The following GALNT13 variants were observed in gnomAD, a reference collection of about 807,000 sequenced individuals.
GALNT13 encodes polypeptide N-acetylgalactosaminyltransferase 13, also known as UDP-GalNAc:polypeptide N-acetylgalactosaminyltransferase 13.
Under a neutral mutation model 64.2 loss-of-function variants are expected in GALNT13, and 28 were observed. That is an observed-to-expected ratio of 0.44 (90% CI 0.32 to 0.60). The LOEUF is 0.60. GALNT13 is among the 20% of genes least tolerant of loss of function. GALNT13 has a pLI of 0.05. For synonymous variants in GALNT13, 214 were observed against 224.6 expected (o/e 0.95, Z 0.42); for missense variants, 577 against 669.8 (o/e 0.86, Z 1.53).
At chr2:154,224,182 G>A (rs1161648667) in intron 4 of GALNT13, among the ~76,000 whole-genome samples, 1 of 152,022 alleles carries the variant, frequency 6.6e-6, no homozygotes, top group East Asian at 1.9e-4. Context: ...TGATTCATAG[G>A]ACAGAAAATT....
At chr2:153,178,889 C>A in the GALNT13 span, among the ~76,000 whole-genome samples, 1 of 151,698 alleles carries the variant, frequency 6.6e-6, no homozygotes, top group African/African-American at 2.4e-5. Context: ...CGTGCACAAC[C>A]ACAACTATCT....
the GALNT13 span, among the ~76,000 whole-genome samples, chr2:153,720,371 C>G: frequency 1.3e-5 from 2 of 150,628 alleles, no homozygotes; most frequent in Admixed American, 1.3e-4. Flanking sequence ...AAAAACAGAG[C>G]AGAAAAACTG....
At chr2:153,819,093 C>A in the GALNT13 span, among the ~76,000 whole-genome samples, 1 of 152,142 alleles carries the variant, frequency 6.6e-6, no homozygotes, top group Non-Finnish European at 1.5e-5. Context: ...GATCATTTCT[C>A]CCAGGGCCTG....
At chr2:153,478,514 T>C in the GALNT13 span, 1 of 1,608,730 alleles carries the variant, frequency 6.2e-7, no homozygotes, top group Non-Finnish European at 8.5e-7. Context: ...TCGCTGCTGT[T>C]GGCCAGGAAC....
chr2:153,621,073 GAC>G, the GALNT13 span, among the ~76,000 whole-genome samples: 1 of 152,068 alleles, frequency 6.6e-6, no homozygotes, highest in Admixed American at 6.6e-5. Flanking sequence ...ACCAGACAGA[GAC>G]TCTTGTACTC....
chr2:153,537,278 G>C, the GALNT13 span, among the ~76,000 whole-genome samples: 1 of 152,128 alleles, frequency 6.6e-6, no homozygotes. Flanking sequence ...ATTTAAAACA[G>C]GTTACAGTTG....
chr2:153,223,337 T>C, the GALNT13 span, among the ~76,000 whole-genome samples: 2 of 152,204 alleles, frequency 1.3e-5, no homozygotes, highest in African/African-American at 4.8e-5. Context: ...ATCTAATTAA[T>C]AGTATCGAAT....
chr2:153,479,499 GTTC>G, the GALNT13 span, among the ~76,000 whole-genome samples: 1 of 152,178 alleles, frequency 6.6e-6, no homozygotes, highest in South Asian at 2.1e-4. Flanking sequence ...GGAAGGAGGA[GTTC>G]TTCTGTGGCC....
At chr2:153,644,409 C>T in the GALNT13 span, among the ~76,000 whole-genome samples, 10 of 152,010 alleles carry the variant, frequency 6.6e-5, no homozygotes, top group African/African-American at 2.4e-4. Context: ...ATATTCCCCT[C>T]ATCTCTGAAG....
intron 8 of GALNT13, among the ~76,000 whole-genome samples, chr2:154,276,833 G>T (rs113822873): frequency 0.019 from 2,920 of 152,226 alleles, 70 homozygotes; most frequent in African/African-American, 0.059. Context: ...AGATCTGATG[G>T]TTTTACAAAG....
chr2:154,271,632 T>C (rs1691359182), intron 8 of GALNT13, among the ~76,000 whole-genome samples: 1 of 151,880 alleles, frequency 6.6e-6, no homozygotes, highest in Non-Finnish European at 1.5e-5. Context: ...ATCATATGAG[T>C]GTTTCTCTGG....
intron 3 of GALNT13, among the ~76,000 whole-genome samples, chr2:154,084,390 G>A (rs1341192723): frequency 6.6e-6 from 1 of 151,726 alleles, no homozygotes; most frequent in Non-Finnish European, 1.5e-5. Context: ...TCTCGAGTAT[G>A]AAAGGACCCT....
At chr2:153,921,460 C>T (rs1309979311) in intron 2 of GALNT13, among the ~76,000 whole-genome samples, 1 of 152,012 alleles carries the variant, frequency 6.6e-6, no homozygotes, top group Non-Finnish European at 1.5e-5. Flanking sequence ...CCAAGGCCTG[C>T]TTGAGGGTGG....
chr2:153,684,250 GTTTTC>G, the GALNT13 span, among the ~76,000 whole-genome samples: 2 of 151,598 alleles, frequency 1.3e-5, no homozygotes, highest in South Asian at 4.2e-4. Context: ...GAATTTTTAT[GTTTTC>G]TTTATGTTAT....
intron 9 of GALNT13, among the ~76,000 whole-genome samples, chr2:154,368,298 G>A (rs1339309319): frequency 2.6e-5 from 4 of 152,110 alleles, no homozygotes. Context: ...TAGTCAGTGT[G>A]AAGGCCAGTA....
chr2:153,470,180 T>C, the GALNT13 span, among the ~76,000 whole-genome samples: 1 of 152,162 alleles, frequency 6.6e-6, no homozygotes, highest in African/African-American at 2.4e-5. Context: ...TTTGGATCCA[T>C]TGAGCTAGGT....
chr2:154,442,925 C>T (rs922424913), intron 12 of GALNT13, among the ~76,000 whole-genome samples: 4 of 152,078 alleles, frequency 2.6e-5, no homozygotes, highest in Non-Finnish European at 5.9e-5. Flanking sequence ...ATTCTATATA[C>T]ATCTGTATCA....
At chr2:153,522,950 T>A in the GALNT13 span, among the ~76,000 whole-genome samples, 5 of 152,190 alleles carry the variant, frequency 3.3e-5, no homozygotes, top group Non-Finnish European at 4.4e-5. Context: ...ATGTATGTTA[T>A]CTCTTCAAAG....
chr2:153,700,095 A>G, the GALNT13 span, among the ~76,000 whole-genome samples: 1 of 152,180 alleles, frequency 6.6e-6, no homozygotes, highest in African/African-American at 2.4e-5. Context: ...AAAATCCTCA[A>G]TAAAATACGG....
Sources: gnomAD v4.1 joint callset for allele counts (sites outside exome capture counted in the v4.1 genomes callset) on GRCh38, gnomAD v4.1.1 for gene constraint, MANE v1.5 for transcripts, NCBI Gene and HGNC (gene_info 2026-07-23, HGNC 2026-07-21) for gene names.